The following KLF8 variants were observed in gnomAD, a reference collection of about 807,000 sequenced individuals.
KLF8 encodes Krueppel-like factor 8.
KLF8 carries 10 observed loss-of-function variants against 18.2 expected under a neutral mutation model. The observed-to-expected ratio is 0.55, with a 90% CI of 0.34 to 0.93. The LOEUF (loss-of-function observed/expected upper bound fraction) is 0.93, where lower values mean the gene tolerates loss of function less well. Ranked by LOEUF, KLF8 falls within the 40% of genes least tolerant of loss-of-function variation. The pLI, the probability that KLF8 is intolerant of heterozygous loss-of-function variation, is 0.02. For missense variants in KLF8, 264 were observed against 277.9 expected, an observed-to-expected ratio of 0.95 and a Z score of 0.36; for synonymous variants, 109 against 97.3, an observed-to-expected ratio of 1.12 and a Z score of -0.71.
chrX:56,249,641 T>C (rs1052205207), intron 1 of KLF8, among the ~76,000 whole-genome samples: 1 of 111,897 alleles, frequency 8.9e-6, no homozygotes, highest in Admixed American at 9.5e-5. Context: ...GCTGCACATC[T>C]AACTCCCAGA....
the KLF8 span, among the ~76,000 whole-genome samples, chrX:56,119,951 C>T: frequency 1.8e-5 from 2 of 108,621 alleles, no homozygotes; most frequent in Non-Finnish European, 3.8e-5. Flanking sequence ...ATGGTTACTC[C>T]ATTTCGGCCC....
the KLF8 span, among the ~76,000 whole-genome samples, chrX:56,147,179 A>T: frequency 8.9e-6 from 1 of 112,323 alleles, no homozygotes; most frequent in Non-Finnish European, 1.9e-5. Context: ...GGAGAAACAG[A>T]CTTTCATAGG....
At chrX:56,183,285 T>C in the KLF8 span, among the ~76,000 whole-genome samples, 1 of 112,209 alleles carries the variant, frequency 8.9e-6, no homozygotes, top group African/African-American at 3.2e-5. Context: ...CAGGTTATAA[T>C]CTCCTGGTTC....
rs189635205 is a variant in KLF8 at position 56,265,749 on chromosome X, G to A, written c.646+5G>A. On this transcript the variant is annotated splice_donor_5th_base_variant and intron_variant, in intron 3 of 5. Coordinates refer to ENST00000468660, the MANE Select transcript of KLF8 (RefSeq NM_007250.5). Reference sequence around the variant, plus strand: ...ATGGTAAAAATGCTGGATCAGGTAAGTAACAATATTGCCTCTTTCCTGGCC... The same window carrying A: ...ATGGTAAAAATGCTGGATCAGGTAAATAACAATATTGCCTCTTTCCTGGCC... 7.8e-3 allele frequency: 9,271 copies of A among 1,191,381 alleles called. 40 individuals carry two copies. The highest frequency in any genetic ancestry group is 8.7e-3 in the Non-Finnish European group (7,732 of 888,588).
chrX:56,080,441 GA>G, the KLF8 span, among the ~76,000 whole-genome samples: 1 of 111,120 alleles, frequency 9.0e-6, no homozygotes, highest in Non-Finnish European at 1.9e-5. Flanking sequence ...ATTCTGGGTT[GA>G]AAATTCTTTT....
At chrX:56,033,739 T>A in the KLF8 span, among the ~76,000 whole-genome samples, 1 of 112,109 alleles carries the variant, frequency 8.9e-6, no homozygotes, top group African/African-American at 3.3e-5. Context: ...TGGTTTTAAT[T>A]TGCATTTCCC....
chrX:56,187,457 G>A, the KLF8 span, among the ~76,000 whole-genome samples: 1 of 111,675 alleles, frequency 9.0e-6, no homozygotes, highest in African/African-American at 3.3e-5. Context: ...AGGAGGAACT[G>A]GTACTATTCC....
At chrX:56,188,598 C>T in the KLF8 span, among the ~76,000 whole-genome samples, 6 of 112,117 alleles carry the variant, frequency 5.4e-5, no homozygotes, top group East Asian at 1.4e-3. Flanking sequence ...CTGGAGGCAT[C>T]ATGCTACCTG....
chrX:55,915,926 C>G, the KLF8 span, among the ~76,000 whole-genome samples: 1 of 111,802 alleles, frequency 8.9e-6, no homozygotes, highest in African/African-American at 3.2e-5. Context: ...ATATGCTTCC[C>G]TTGGCATATC....
At chrX:56,250,961 C>A (rs1392121443) in intron 2 of KLF8, among the ~76,000 whole-genome samples, 4 of 112,218 alleles carry the variant, frequency 3.6e-5, no homozygotes, top group Non-Finnish European at 7.5e-5. Flanking sequence ...GGACCACTCA[C>A]ATTATAGAGA....
chrX:55,970,013 C>G, the KLF8 span, among the ~76,000 whole-genome samples: 1 of 110,733 alleles, frequency 9.0e-6, no homozygotes, highest in East Asian at 2.8e-4. Flanking sequence ...TAAAGAAGCA[C>G]TCATATTATT....
At chrX:56,263,274 C>A (rs2066911616) in intron 2 of KLF8, among the ~76,000 whole-genome samples, 1 of 111,642 alleles carries the variant, frequency 9.0e-6, no homozygotes. Context: ...AACAGTGGGA[C>A]AAATCACAGA....
the KLF8 span, among the ~76,000 whole-genome samples, chrX:56,184,866 C>T: frequency 2.7e-5 from 3 of 112,093 alleles, no homozygotes; most frequent in African/African-American, 9.7e-5. Context: ...ACACCAAAAA[C>T]CCATCTGTAC....
chrX:56,046,343 G>A, the KLF8 span, among the ~76,000 whole-genome samples: 1 of 111,099 alleles, frequency 9.0e-6, no homozygotes, highest in Admixed American at 9.6e-5. Context: ...TTTGGTATTA[G>A]GATTAGGGTG....
chrX:56,025,931 T>A, the KLF8 span, among the ~76,000 whole-genome samples: 1 of 112,710 alleles, frequency 8.9e-6, no homozygotes, highest in East Asian at 2.8e-4. Context: ...CAGTCCTCCG[T>A]GTGAAAAGAA....
chrX:56,006,477 A>T, the KLF8 span, among the ~76,000 whole-genome samples: 7 of 112,128 alleles, frequency 6.2e-5, no homozygotes, highest in African/African-American at 2.3e-4. Flanking sequence ...AGAGTGTACC[A>T]ATCTTTCTGA....
the KLF8 span, among the ~76,000 whole-genome samples, chrX:56,199,672 G>A: frequency 9.0e-6 from 1 of 111,699 alleles, no homozygotes; most frequent in African/African-American, 3.3e-5. Flanking sequence ...AGAGAGTGTG[G>A]CGATTTTTCA....
At chrX:56,214,918 A>T in the KLF8 span, among the ~76,000 whole-genome samples, 1 of 112,326 alleles carries the variant, frequency 8.9e-6, no homozygotes, top group East Asian at 2.8e-4. Context: ...CTTGAACCTT[A>T]TAACCCATTT....
the KLF8 span, among the ~76,000 whole-genome samples, chrX:56,049,615 G>T: frequency 9.8e-6 from 1 of 102,110 alleles, no homozygotes; most frequent in East Asian, 3.0e-4. Context: ...CAGGGATGAA[G>T]CCCACTTGAT....
Sources: allele counts gnomAD v4.1 joint callset (sites outside exome capture counted in the v4.1 genomes callset), GRCh38; gene constraint gnomAD v4.1.1; transcripts MANE v1.5; gene names NCBI Gene and HGNC (gene_info 2026-07-23, HGNC 2026-07-21).